The following CCDC192 variants were observed in gnomAD, a reference collection of about 807,000 sequenced individuals.
CCDC192 encodes coiled-coil domain containing 192.
At chr5:127,743,908 G>A (rs949544637) in intron 2 of CCDC192, among the ~76,000 whole-genome samples, 2 of 151,806 alleles carry the variant, frequency 1.3e-5, no homozygotes, top group African/African-American at 2.4e-5. Context: ...GGCTTAACAC[G>A]GTGAAACCCC....
chr5:127,911,636 C>T (rs1038471612), intron 6 of CCDC192, among the ~76,000 whole-genome samples: 2 of 150,542 alleles, frequency 1.3e-5, no homozygotes, highest in African/African-American at 4.9e-5. Flanking sequence ...AAACAATGTA[C>T]AGTAAACTTG....
At chr5:127,795,534 G>C (rs1442056100) in intron 3 of CCDC192, among the ~76,000 whole-genome samples, 2 of 151,916 alleles carry the variant, frequency 1.3e-5, no homozygotes, top group Admixed American at 6.6e-5. Flanking sequence ...CTCAAGCCCA[G>C]GTAGGTCAAG....
intron 3 of CCDC192, among the ~76,000 whole-genome samples, chr5:127,794,623 T>C (rs1453624935): frequency 6.6e-6 from 1 of 152,102 alleles, no homozygotes; most frequent in Non-Finnish European, 1.5e-5. Context: ...TTTGAGGCTG[T>C]GAACAATATT....
At chr5:127,765,563 G>A (rs1755175172) in intron 3 of CCDC192, among the ~76,000 whole-genome samples, 1 of 152,162 alleles carries the variant, frequency 6.6e-6, no homozygotes, top group Non-Finnish European at 1.5e-5. Flanking sequence ...AACGTCCTGA[G>A]CATCAAAAGT....
At chr5:127,798,709 C>CT (rs1270789797) in intron 5 of CCDC192, among the ~76,000 whole-genome samples, 17 of 150,746 alleles carry the variant, frequency 1.1e-4, no homozygotes, top group African/African-American at 3.9e-4. Context: ...ATTTTTTATA[C>CT]ATTTTTTATA....
intron 2 of CCDC192, among the ~76,000 whole-genome samples, chr5:127,748,683 G>A (rs374534980): frequency 2.1e-5 from 3 of 140,566 alleles, no homozygotes; most frequent in Non-Finnish European, 4.8e-5. Context: ...CATTGAATCT[G>A]TAAATTACCT....
intron 2 of CCDC192, among the ~76,000 whole-genome samples, chr5:127,724,119 A>T (rs1752175104): frequency 6.6e-6 from 1 of 152,222 alleles, no homozygotes; most frequent in Non-Finnish European, 1.5e-5. Context: ...TCTCATAAGA[A>T]AATTTATCAC....
At chr5:127,786,437 CTG>C (rs1756540853) in intron 3 of CCDC192, 5 of 625,666 alleles carry the variant, frequency 8.0e-6, no homozygotes, top group South Asian at 1.8e-5. Flanking sequence ...CCATGTAACA[CTG>C]TACAACTCCA....
At chr5:127,874,956 G>C (rs1370123381) in intron 5 of CCDC192, among the ~76,000 whole-genome samples, 1 of 151,278 alleles carries the variant, frequency 6.6e-6, no homozygotes, top group Admixed American at 6.6e-5. Context: ...TTTAGAGTAA[G>C]GCATTCCTGT....
At chr5:127,811,569 T>C (rs1758085628) in intron 5 of CCDC192, among the ~76,000 whole-genome samples, 1 of 152,188 alleles carries the variant, frequency 6.6e-6, no homozygotes, top group African/African-American at 2.4e-5. Context: ...TTTTATTTAT[T>C]TTGTTCGCGA....
chr5:127,727,173 C>T (rs1427583377), intron 2 of CCDC192, among the ~76,000 whole-genome samples: 1 of 152,132 alleles, frequency 6.6e-6, no homozygotes, highest in Non-Finnish European at 1.5e-5. Flanking sequence ...AGGGGCCTGA[C>T]TGTTAAAAGA....
chr5:127,886,016 G>A (rs527746374), intron 6 of CCDC192, among the ~76,000 whole-genome samples: 1 of 152,214 alleles, frequency 6.6e-6, no homozygotes, highest in East Asian at 1.9e-4. Context: ...GTATGCAGTT[G>A]GATCCCAGAA....
intron 3 of CCDC192, chr5:127,786,995 C>A: frequency 5.6e-6 from 2 of 360,316 alleles, no homozygotes; most frequent in Non-Finnish European, 5.4e-6. Context: ...CTGGTCTAAG[C>A]CAATCTGCTT....
chr5:127,886,967 T>A (rs1250111750), intron 6 of CCDC192, among the ~76,000 whole-genome samples: 1 of 152,178 alleles, frequency 6.6e-6, no homozygotes, highest in Non-Finnish European at 1.5e-5. Flanking sequence ...AACAAGTACT[T>A]ACAAGACAGA....
chr5:127,702,729 G>C (rs900788885), upstream of CCDC192, among the ~76,000 whole-genome samples: 1 of 152,190 alleles, frequency 6.6e-6, no homozygotes, highest in Non-Finnish European at 1.5e-5. Flanking sequence ...GATCCTACCT[G>C]TACTTCCTGT....
chr5:127,772,766 CAG>C (rs1755637990), intron 3 of CCDC192, among the ~76,000 whole-genome samples: 2 of 152,176 alleles, frequency 1.3e-5, no homozygotes, highest in Non-Finnish European at 2.9e-5. Context: ...ATTCATGTCT[CAG>C]GGCTGGACAA....
intron 6 of CCDC192, among the ~76,000 whole-genome samples, chr5:127,916,796 G>A (rs1284727534): frequency 6.6e-6 from 1 of 152,212 alleles, no homozygotes; most frequent in African/African-American, 2.4e-5. Flanking sequence ...CTAGAGCACA[G>A]GGAGAGTAGA....
intron 5 of CCDC192, among the ~76,000 whole-genome samples, chr5:127,807,196 T>C (rs1480602916): frequency 6.6e-6 from 1 of 152,196 alleles, no homozygotes; most frequent in Admixed American, 6.6e-5. Context: ...TATTCTAAAA[T>C]TGAGTTATCC....
intron 6 of CCDC192, among the ~76,000 whole-genome samples, chr5:127,904,745 G>T (rs1753151565): frequency 6.6e-6 from 1 of 151,968 alleles, no homozygotes; most frequent in Non-Finnish European, 1.5e-5. Context: ...CAGGTGATCT[G>T]CCTGCCTCAG....
Sources: gnomAD v4.1 joint callset for allele counts (sites outside exome capture counted in the v4.1 genomes callset) on GRCh38, gnomAD v4.1.1 for gene constraint, MANE v1.5 for transcripts, NCBI Gene and HGNC (gene_info 2026-07-23, HGNC 2026-07-21) for gene names.